Variants in GARS1 observed in about 807,000 individuals in gnomAD.
The protein encoded by GARS1 is glycine--tRNA ligase.
A neutral mutation model predicts 86.4 loss-of-function variants in GARS1; 46 were observed. That is an observed-to-expected ratio of 0.53 (90% confidence interval 0.42 to 0.68). The LOEUF (loss-of-function observed/expected upper bound fraction) is 0.68. Ranked by LOEUF, GARS1 falls within the 30% of genes least tolerant of loss-of-function variation. The pLI is 0.00. For synonymous variants in GARS1, 342 were observed against 329.8 expected (o/e 1.04, Z -0.40); for missense variants, 797 against 915.6 (o/e 0.87, Z 1.67).
intron 1 of GARS1, chr7:30,595,982 CTCCTTTTCCTAGGGCACTGCCATAGAGT>C (rs746072870): frequency 4.6e-5 from 21 of 453,570 alleles, no homozygotes; most frequent in Non-Finnish European, 7.7e-5. Context: ...TAATATAGAC[CTCCTTTTCCTAGGGCACTGCCATAGAGT>C]TTAGAATTTA....
At position 30,598,836 on chromosome 7, in the gene GARS1, A is replaced by G. The variant is rs1222987042; in HGVS notation, c.263A>G (p.Gln88Arg). Residue 88 changes from glutamine to arginine, a missense_variant, in exon 2 of 17, where the codon CAA becomes CGA. Gln to Arg is a conservative substitution (Grantham distance 43). Coordinates refer to ENST00000389266, the MANE Select transcript of GARS1 (RefSeq NM_002047.4). Reference sequence around the variant, plus strand: ...AAACTCAAAGAAGATAAAGCACCCCAAGTAGACGTAGACAAAGCAGTGGCT... The same window carrying G: ...AAACTCAAAGAAGATAAAGCACCCCGAGTAGACGTAGACAAAGCAGTGGCT... ...VRKLKEDKAP[Q>R]VDVDKAVAEL... is the part of the protein sequence containing the mutation. 6.2e-7 allele frequency: 1 copy of G among 1,614,220 alleles called. No individual in the cohort carries two copies. Among genetic ancestry groups the G allele is most frequent in the Non-Finnish European group, 8.5e-7 (1 of 1,180,022 alleles).
At position 30,609,721 on chromosome 7, in the gene GARS1, A is replaced by G. The variant is rs1455548245; in HGVS notation, c.872A>G (p.Asn291Ser). 1 of 1,613,620 alleles carries G rather than the reference A, an allele frequency of 6.2e-7. No individual in the cohort carries two copies. Among genetic ancestry groups the G allele is most frequent in the Admixed American group, 1.7e-5 (1 of 60,006 alleles). The change falls in exon 7 of 17, where the codon AAC becomes AGC. Residue 291 changes from asparagine (N) to serine (S), a missense_variant. Physicochemically the swap from Asn to Ser is conservative, Grantham distance 46. Coordinates refer to ENST00000389266, the MANE Select transcript of GARS1 (RefSeq NM_002047.4). The stretch of plus-strand genomic sequence containing the variant: ...AAGACTTTCATTGGGCCTGGAGGAA[A>G]CATGCCTGGGTATGTATCACTTATT... ...MFKTFIGPGG[N>S]MPGYLRPETA...
rs781585447 is a variant in GARS1, at chr7:30,632,312, C to T, written c.1969C>T (p.Arg657Cys). The T allele has an allele frequency of 6.8e-6, 11 of 1,614,014 alleles. No individual in the cohort carries two copies. Among genetic ancestry groups the T allele is most frequent in the East Asian group, 4.5e-5 (2 of 44,888 alleles). ...CGATTCCTCTGGGTCAATCGGAAGG[C>T]GCTATGCCAGGACTGATGAGATTGG... ...VDDSSGSIGR[R>C]YARTDEIGVA... Residue 657 changes from arginine to cysteine, a missense_variant, in exon 16 of 17, where the codon CGC (arginine) becomes TGC (cysteine). Coordinates refer to ENST00000389266, the MANE Select transcript of GARS1 (RefSeq NM_002047.4). This position sits in a 1 kb window ranked among gnomAD's most constrained non-coding sequence, Gnocchi z 4.1.
chr7:30,616,124 C>G (rs1584038437), intron 9 of GARS1, 66 bp downstream of exon 9: 5 of 1,526,656 alleles, frequency 3.3e-6, no homozygotes, highest in Non-Finnish European at 4.5e-6. Context: ...TTAGCAAATT[C>G]TATGTGTTCT....
At chr7:30,608,996 G>A (rs972930701) in intron 6 of GARS1, among the ~76,000 whole-genome samples, 1 of 152,094 alleles carries the variant, frequency 6.6e-6, no homozygotes, top group Non-Finnish European at 1.5e-5. Context: ...AAATTGGAGG[G>A]CATACATCAT....
chr7:30,606,305 C>CT (rs35302357), intron 6 of GARS1, among the ~76,000 whole-genome samples: 80,322 of 127,486 alleles, frequency 0.63, 26,366 homozygotes, highest in Non-Finnish European at 0.75. Flanking sequence ...CATTGTTATT[C>CT]TTTTTTTTTT....
intron 12 of GARS1, 51 bp from the exon 13 acceptor site, chr7:30,626,183 G>T (rs185028688): frequency 8.9e-7 from 1 of 1,126,896 alleles, no homozygotes; most frequent in South Asian, 1.3e-5. Context: ...TTAAATTAAG[G>T]CACAGGGTGC....
At chr7:30,619,784 T>C (rs948276970) in intron 10 of GARS1, among the ~76,000 whole-genome samples, 2 of 139,584 alleles carry the variant, frequency 1.4e-5, no homozygotes, top group African/African-American at 2.5e-5. Context: ...TTCTTTTTTT[T>C]TTTTTTTTTT....
chr7:30,627,641 T>C (rs1447022571), intron 13 of GARS1, among the ~76,000 whole-genome samples: 4 of 152,218 alleles, frequency 2.6e-5, no homozygotes, highest in African/African-American at 9.6e-5. Flanking sequence ...TGAAGAGCTG[T>C]GAGCCCCTGT....
chr7:30,622,159 G>A (rs1783024273), intron 11 of GARS1, 158 bp from the exon 12 acceptor site: 2 of 773,378 alleles, frequency 2.6e-6, no homozygotes. Context: ...TGATTTTGTG[G>A]ACAGGTGTTT....
Position 30,603,193 on chromosome 7 carries a change from T to C in GARS1, c.658+71T>C. The C allele has an allele frequency of 6.1e-6, 8 of 1,319,558 alleles. No individual in the cohort carries two copies. The Admixed American group carries it at 8.5e-5, about 14-fold the overall frequency. The allele number at this position is 1,319,558 out of a possible 1,614,324, so 81.7% of individuals were successfully genotyped here. A position where few individuals can be genotyped will look rare whatever the true frequency, so the allele number is the denominator to read the frequency against. On this transcript the variant is annotated intron_variant, in intron 5 of 16. Transcript: ENST00000389266. ...GTTTAAACTTTCTCTCAGATGTCTTTCATTAAATTTTTTATTGAGGCATAA... is the reference window on the plus strand; with the variant it reads ...GTTTAAACTTTCTCTCAGATGTCTTCCATTAAATTTTTTATTGAGGCATAA...
intron 10 of GARS1, 146 bp downstream of exon 10, chr7:30,617,424 T>TG (rs1209352509): frequency 1.1e-6 from 1 of 928,418 alleles, no homozygotes; most frequent in African/African-American, 1.6e-5. Flanking sequence ...AAAAAGCAGT[T>TG]GCCTCCTGCC....
At chr7:30,595,172 C>T in intron 1 of GARS1, 29 bp downstream of exon 1, 1 of 1,523,158 alleles carries the variant, frequency 6.6e-7, no homozygotes. Context: ...CTCCGCTAAG[C>T]CTCCGGCTCT....
intron 1 of GARS1, among the ~76,000 whole-genome samples, chr7:30,597,254 T>C (rs1791271730): frequency 6.6e-6 from 1 of 152,210 alleles, no homozygotes. Flanking sequence ...CATGATGTTA[T>C]GAAATCAGGT....
intron 2 of GARS1, among the ~76,000 whole-genome samples, chr7:30,599,527 C>T (rs936038729): frequency 1.3e-5 from 2 of 152,074 alleles, no homozygotes; most frequent in Non-Finnish European, 2.9e-5. Flanking sequence ...CTCAGCCTCC[C>T]AAGTAGCTGG....
At chr7:30,624,620 A>AC (rs1445338563) in intron 12 of GARS1, among the ~76,000 whole-genome samples, 5 of 152,224 alleles carry the variant, frequency 3.3e-5, no homozygotes, top group African/African-American at 1.2e-4. Flanking sequence ...CTGGAAAAAA[A>AC]ACACACACAA....
In GARS1 at chr7:30,603,014, G is replaced by T. The variant is rs1005590200; in HGVS notation, c.570-20G>T. On this transcript the variant is annotated intron_variant, in intron 4 of 16. Coordinates refer to ENST00000389266, the MANE Select transcript of GARS1 (RefSeq NM_002047.4). ...AATTTGTATGAGAATGACAAATTGG[G>T]TTGGCATTTGTTAATTTAGGACCTC... is the stretch of plus-strand genomic sequence containing the variant. The T allele has an allele frequency of 6.5e-7, 1 of 1,547,798 alleles. No homozygotes were observed. The highest frequency in any genetic ancestry group is 1.4e-5 in the African/African-American group (1 of 73,688).
intron 6 of GARS1, among the ~76,000 whole-genome samples, chr7:30,603,835 A>T (rs1013557273): frequency 3.9e-5 from 6 of 152,176 alleles, no homozygotes; most frequent in African/African-American, 7.2e-5. Context: ...ACTTTTCTGG[A>T]TTTAATAGCT....
At position 30,621,412 on chromosome 7, in the gene GARS1, G is replaced by A. The variant is rs924595179; in HGVS notation, c.1379G>A (p.Gly460Glu). ...TTTTAGGGTTGGATTGAGATTGTTG[G>A]ATGTGCTGATCGTTCCTGTTATGAC... ...KTSYGWIEIVGCADRSCYDLS... is the reference protein window; with the variant it reads ...KTSYGWIEIVECADRSCYDLS... Residue 460 changes from glycine (G) to glutamate (E), a missense_variant, in exon 11 of 17, where the codon GGA (glycine) becomes GAA (glutamate). Gly to Glu is a moderately conservative substitution (Grantham distance 98). This residue lies in a region of GARS1 where 598 missense variants were observed against 738.7 expected (regional missense o/e 0.81). Transcript: ENST00000389266. 3 of 1,613,924 alleles carry A rather than the reference G, an allele frequency of 1.9e-6. No individual in the cohort carries two copies. The Admixed American group carries it at 5.0e-5, about 27-fold the overall frequency.
Sources: allele counts gnomAD v4.1 joint callset (sites outside exome capture counted in the v4.1 genomes callset), GRCh38; gene constraint gnomAD v4.1.1; regional missense constraint gnomAD v4.1.1; non-coding constraint Gnocchi (gnomAD v3.1); transcripts MANE v1.5; gene names NCBI Gene and HGNC (gene_info 2026-07-23, HGNC 2026-07-21).